The following PPP2R2B variants were observed in gnomAD, a reference collection of about 807,000 sequenced individuals.
PPP2R2B encodes the protein serine/threonine-protein phosphatase 2A 55 kDa regulatory subunit B beta isoform.
A neutral mutation model predicts 46.0 loss-of-function variants in PPP2R2B; 5 were observed. The ratio of observed to expected loss-of-function variants is 0.11; its 90% CI spans 0.06 to 0.23. The LOEUF (loss-of-function observed/expected upper bound fraction) is 0.23, where lower values mean the gene tolerates loss of function less well. Ranked by LOEUF, PPP2R2B falls within the 10% of genes least tolerant of loss-of-function variation. The pLI, the probability that PPP2R2B is intolerant of heterozygous loss-of-function variation, is 1.00. For synonymous variants in PPP2R2B, 215 were observed against 206.7 expected (o/e 1.04, Z -0.34); for missense variants, 367 against 575.0 (o/e 0.64, Z 3.70).
intron 2 of PPP2R2B, among the ~76,000 whole-genome samples, chr5:146,812,000 T>A (rs2151320381): frequency 6.6e-6 from 1 of 152,252 alleles, no homozygotes; most frequent in South Asian, 2.1e-4. Flanking sequence ...AGATACAGAC[T>A]TGCCCAGTTT....
intron 2 of PPP2R2B, among the ~76,000 whole-genome samples, chr5:146,746,173 C>A (rs558762750): frequency 5.3e-5 from 8 of 152,184 alleles, no homozygotes; most frequent in Admixed American, 3.3e-4. Context: ...GGCTGGGGAC[C>A]CAGAGAACGG....
intron 2 of PPP2R2B, among the ~76,000 whole-genome samples, chr5:147,077,250 C>T (rs1181340): frequency 0.99 from 146,155 of 146,960 alleles, 72,676 homozygotes; most frequent in East Asian, 1. Context: ...TATACATATA[C>T]GTTATACATA....
intron 2 of PPP2R2B, among the ~76,000 whole-genome samples, chr5:146,797,982 GACAA>G (rs1045772478): frequency 4.6e-5 from 7 of 152,252 alleles, no homozygotes; most frequent in East Asian, 3.9e-4. Context: ...CTGAGAAATA[GACAA>G]ACAAACCGTC....
intron 2 of PPP2R2B, among the ~76,000 whole-genome samples, chr5:146,875,483 T>C (rs319216): frequency 0.23 from 35,711 of 152,034 alleles, 5,192 homozygotes; most frequent in African/African-American, 0.39. Context: ...TTGCCTGCAG[T>C]CACCACTTAC....
intron 1 of PPP2R2B, among the ~76,000 whole-genome samples, chr5:146,912,028 A>G (rs1441927455): frequency 6.6e-6 from 1 of 152,056 alleles, no homozygotes; most frequent in Non-Finnish European, 1.5e-5. Context: ...GCCTGAGCTC[A>G]GGAGTTCGCG....
intron 8 of PPP2R2B, among the ~76,000 whole-genome samples, chr5:146,594,202 C>T (rs537571993): frequency 6.6e-6 from 1 of 152,244 alleles, no homozygotes; most frequent in East Asian, 1.9e-4. Context: ...GCGATTCTTT[C>T]CTGGTTTCTC....
intron 2 of PPP2R2B, among the ~76,000 whole-genome samples, chr5:146,813,027 CAGAT>C (rs1757722203): frequency 6.7e-6 from 1 of 149,750 alleles, no homozygotes; most frequent in Non-Finnish European, 1.5e-5. Flanking sequence ...TGGGGAAACT[CAGAT>C]AGAGCAAGTA....
chr5:146,927,237 A>G (rs1359273138), intron 1 of PPP2R2B, among the ~76,000 whole-genome samples: 1 of 152,090 alleles, frequency 6.6e-6, no homozygotes, highest in Non-Finnish European at 1.5e-5. Flanking sequence ...CAGCTCTATC[A>G]TTGCATTTTG....
chr5:146,970,953 T>A (rs560680886), intron 1 of PPP2R2B, among the ~76,000 whole-genome samples: 14 of 152,198 alleles, frequency 9.2e-5, no homozygotes, highest in Admixed American at 2.6e-4. Flanking sequence ...TTGTTGTATA[T>A]CCCTTCAGAC....
chr5:146,767,928 C>A lies in PPP2R2B; in HGVS notation c.71-66786G>T, dbSNP rs556767802. On this transcript the variant is annotated intron_variant, in intron 2 of 9. Coordinates refer to ENST00000394411, the MANE Select transcript of PPP2R2B (RefSeq NM_181675.4). ...TCCCCAAACCCTGGCAACTGCTGAT[C>A]TTTTGACTGTCTCTATAGCTTTTTC... is the stretch of plus-strand genomic sequence containing the variant. Among the ~76,000 whole-genome samples, 5 of 152,282 alleles carry A rather than the reference C, an allele frequency of 3.3e-5. No homozygotes were observed. In the East Asian group the frequency reaches 9.7e-4, roughly 29 times the overall value.
chr5:146,754,584 A>G (rs751105192), intron 2 of PPP2R2B, among the ~76,000 whole-genome samples: 6 of 152,310 alleles, frequency 3.9e-5, no homozygotes, highest in South Asian at 2.1e-4. Context: ...TTAGTAATTC[A>G]TTTCTAGTGG....
intron 2 of PPP2R2B, among the ~76,000 whole-genome samples, chr5:146,820,990 GCATC>G (rs1758224548): frequency 6.6e-6 from 1 of 151,976 alleles, no homozygotes; most frequent in Admixed American, 6.6e-5. Flanking sequence ...CAAGATTAGT[GCATC>G]GCCTTCTAAT....
At chr5:146,894,170 C>G (rs1053430752) in intron 1 of PPP2R2B, among the ~76,000 whole-genome samples, 1 of 152,192 alleles carries the variant, frequency 6.6e-6, no homozygotes, top group Non-Finnish European at 1.5e-5. Flanking sequence ...AATATTCCAC[C>G]TCCATGTTAC....
intron 1 of PPP2R2B, among the ~76,000 whole-genome samples, chr5:146,994,579 G>A (rs1753843649): frequency 6.6e-6 from 1 of 152,044 alleles, no homozygotes; most frequent in South Asian, 2.1e-4. Context: ...CCCACTTTAG[G>A]GTGAAGAAAG....
At chr5:146,691,838 G>T (rs1778873428) in intron 4 of PPP2R2B, among the ~76,000 whole-genome samples, 6 of 152,128 alleles carry the variant, frequency 3.9e-5, no homozygotes, top group Admixed American at 3.9e-4. Context: ...CTTTGCACTT[G>T]CTGTGTCTTC....
chr5:146,626,724 C>T (rs1408061459), intron 7 of PPP2R2B, among the ~76,000 whole-genome samples: 1 of 152,124 alleles, frequency 6.6e-6, no homozygotes, highest in African/African-American at 2.4e-5. Context: ...CAATCTTTCC[C>T]ATTCTGCATG....
At chr5:146,680,409 G>C (rs1301305187) in intron 5 of PPP2R2B, among the ~76,000 whole-genome samples, 2 of 144,152 alleles carry the variant, frequency 1.4e-5, no homozygotes, top group Non-Finnish European at 3.0e-5. Context: ...GTGGGGTGGG[G>C]AGGGAGGGAT....
chr5:146,636,480 C>T (rs771112849), intron 7 of PPP2R2B, among the ~76,000 whole-genome samples: 1 of 152,166 alleles, frequency 6.6e-6, no homozygotes, highest in South Asian at 2.1e-4. Context: ...GTCAGCACCT[C>T]CCCCAGGGTC....
intron 1 of PPP2R2B, among the ~76,000 whole-genome samples, chr5:146,898,398 T>A (rs958922658): frequency 1.3e-5 from 2 of 152,140 alleles, no homozygotes; most frequent in South Asian, 2.1e-4. Context: ...TAATAAATGG[T>A]GCTGGGAAAA....
Sources: gnomAD v4.1 joint callset for allele counts (sites outside exome capture counted in the v4.1 genomes callset) on GRCh38, gnomAD v4.1.1 for gene constraint, MANE v1.5 for transcripts, NCBI Gene and HGNC (gene_info 2026-07-23, HGNC 2026-07-21) for gene names.